The following LOC400499 variants were observed in gnomAD, a reference collection of about 807,000 sequenced individuals.
chr16:11,498,241 G>A, the LOC400499 span, among the ~76,000 whole-genome samples: 1 of 152,198 alleles, frequency 6.6e-6, no homozygotes, highest in Non-Finnish European at 1.5e-5. Flanking sequence ...AGCACTTTGG[G>A]AGGCCGAAGC....
the LOC400499 span, among the ~76,000 whole-genome samples, chr16:11,493,179 G>C: frequency 4.7e-4 from 72 of 152,310 alleles, no homozygotes; most frequent in Non-Finnish European, 9.1e-4. Flanking sequence ...AAGGGAGGTA[G>C]TGGTCCAGGG....
At chr16:11,434,080 T>C in the LOC400499 span, among the ~76,000 whole-genome samples, 2 of 152,116 alleles carry the variant, frequency 1.3e-5, no homozygotes, top group Non-Finnish European at 2.9e-5. Flanking sequence ...TATAGGAACC[T>C]GAGTGAGGGG....
the LOC400499 span, chr16:11,391,601 G>T: frequency 1.7e-6 from 2 of 1,209,712 alleles, no homozygotes; most frequent in East Asian, 3.2e-5. Context: ...AGCGCTTAGG[G>T]CCCCGGTGGA....
chr16:11,465,797 G>A, the LOC400499 span, among the ~76,000 whole-genome samples: 4 of 137,974 alleles, frequency 2.9e-5, no homozygotes, highest in African/African-American at 1.1e-4. Flanking sequence ...AAGAGAGAGG[G>A]GGAAAGAGAC....
At chr16:11,412,756 G>A in the LOC400499 span, 4 of 397,482 alleles carry the variant, frequency 1.0e-5, no homozygotes, top group South Asian at 5.4e-4. Flanking sequence ...AGAATTGAGA[G>A]GTGCTGTGTC....
chr16:11,506,743 C>G, the LOC400499 span, among the ~76,000 whole-genome samples: 17 of 152,328 alleles, frequency 1.1e-4, no homozygotes, highest in Admixed American at 1.1e-3. Context: ...AGCGCTGAGT[C>G]CTGGTTTTGT....
chr16:11,459,438 C>T, the LOC400499 span, among the ~76,000 whole-genome samples: 2 of 152,064 alleles, frequency 1.3e-5, no homozygotes, highest in African/African-American at 4.8e-5. Flanking sequence ...TCTCGTGATC[C>T]GCCCGCCTCG....
the LOC400499 span, among the ~76,000 whole-genome samples, chr16:11,400,620 T>C: frequency 6.0e-4 from 92 of 152,210 alleles, no homozygotes; most frequent in African/African-American, 2.0e-3. Context: ...TTTATATTTT[T>C]AGTAGAGACA....
chr16:11,388,057 C>T, the LOC400499 span, among the ~76,000 whole-genome samples: 11 of 152,112 alleles, frequency 7.2e-5, no homozygotes, highest in African/African-American at 2.7e-4. Context: ...GGAAGACAAA[C>T]ATCTCATACC....
chr16:11,399,213 C>A, the LOC400499 span: 14 of 985,286 alleles, frequency 1.4e-5, no homozygotes, highest in Non-Finnish European at 7.2e-6. Flanking sequence ...CCCTAGCATC[C>A]CACCTTCTTC....
chr16:11,387,677 G>C, the LOC400499 span, among the ~76,000 whole-genome samples: 20 of 152,018 alleles, frequency 1.3e-4, no homozygotes, highest in Non-Finnish European at 2.1e-4. Flanking sequence ...GCCCAGGCTG[G>C]AGTGTAGTGG....
the LOC400499 span, chr16:11,500,905 G>C: frequency 2.5e-6 from 1 of 399,018 alleles, no homozygotes; most frequent in Non-Finnish European, 4.4e-6. Flanking sequence ...GATGCGATGA[G>C]TTCCTTCATG....
the LOC400499 span, chr16:11,460,370 G>T: frequency 7.7e-7 from 1 of 1,298,990 alleles, no homozygotes; most frequent in South Asian, 1.7e-5. Flanking sequence ...ATGGCTATGT[G>T]ATTGTGAGCA....
At chr16:11,486,053 T>C in the LOC400499 span, among the ~76,000 whole-genome samples, 3 of 150,632 alleles carry the variant, frequency 2.0e-5, no homozygotes, top group East Asian at 4.0e-4. Flanking sequence ...AGTGAATAGA[T>C]GGATGGATGT....
At chr16:11,400,438 C>CT in the LOC400499 span, among the ~76,000 whole-genome samples, 183 of 137,508 alleles carry the variant, frequency 1.3e-3, 1 homozygote, top group African/African-American at 3.9e-3. Flanking sequence ...AGTCTCACAT[C>CT]TTTTTTTTTT....
chr16:11,413,974 G>A, the LOC400499 span, among the ~76,000 whole-genome samples: 2 of 152,138 alleles, frequency 1.3e-5, no homozygotes, highest in East Asian at 3.9e-4. Flanking sequence ...GCCTTTCTCT[G>A]GAGCCTGAGG....
At chr16:11,499,314 G>T in the LOC400499 span, among the ~76,000 whole-genome samples, 1 of 100,416 alleles carries the variant, frequency 1.0e-5, no homozygotes, top group Non-Finnish European at 2.1e-5. Context: ...AGGGGGGAAG[G>T]GAGGGAGAGG....
the LOC400499 span, among the ~76,000 whole-genome samples, chr16:11,456,466 G>A: frequency 2.6e-5 from 4 of 152,190 alleles, no homozygotes; most frequent in African/African-American, 7.2e-5. Context: ...GCAGGATAAC[G>A]AGCAAGGGGG....
the LOC400499 span, chr16:11,472,049 A>G: frequency 2.6e-6 from 1 of 382,202 alleles, no homozygotes; most frequent in East Asian, 3.8e-5. Context: ...TGTCCTGTGC[A>G]TTATGGGATG....
Sources: gnomAD v4.1 joint callset for allele counts (sites outside exome capture counted in the v4.1 genomes callset) on GRCh38, gnomAD v4.1.1 for gene constraint, MANE v1.5 for transcripts.